The following VEPH1 variants were observed in gnomAD, a reference collection of about 807,000 sequenced individuals.
The protein encoded by VEPH1 is ventricular zone expressed PH domain containing 1.
In VEPH1, 80 loss-of-function variants were observed where a neutral mutation model predicts 85.2. That is an observed-to-expected ratio of 0.94 (90% CI 0.78 to 1.13). The LOEUF (loss-of-function observed/expected upper bound fraction) is 1.13, where lower values mean the gene tolerates loss of function less well. Ranked by LOEUF, VEPH1 falls within the 50% of genes most tolerant of loss-of-function variation. The pLI is 0.00. For missense variants in VEPH1, 955 were observed against 980.5 expected, an observed-to-expected ratio of 0.97 and a Z score of 0.35; for synonymous variants, 297 against 348.0, an observed-to-expected ratio of 0.85 and a Z score of 1.63.
chr3:157,330,764 T>G (rs912470120), intron 9 of VEPH1, among the ~76,000 whole-genome samples: 17 of 152,266 alleles, frequency 1.1e-4, no homozygotes, highest in African/African-American at 4.1e-4. Flanking sequence ...CTCCTTCCCA[T>G]GGCAGGTTTT....
intron 1 of VEPH1, among the ~76,000 whole-genome samples, chr3:157,498,578 G>A (rs1739861168): frequency 1.3e-5 from 2 of 151,994 alleles, no homozygotes; most frequent in African/African-American, 4.8e-5. Context: ...TGGTCTCCCA[G>A]GATAGTTGTA....
Position 157,360,082 on chromosome 3 carries a change from TA to T in VEPH1, c.1735+3281del, listed in dbSNP as rs1339625021. 2.0e-5 allele frequency among the ~76,000 whole-genome samples: 3 copies of T among 152,340 alleles called. No individual in the cohort carries two copies. The East Asian group carries it at 5.8e-4, about 29-fold the overall frequency. On this transcript the variant is annotated intron_variant, in intron 9 of 13. Transcript: ENST00000362010. ...ACATCAAACATAACACAATTAAGCCTAAATCTTTTTTAAATAAGATTTTAAG... is the reference window on the plus strand; with the variant it reads ...ACATCAAACATAACACAATTAAGCCTAATCTTTTTTAAATAAGATTTTAAG...
At chr3:157,427,213 T>C (rs529735219) in intron 5 of VEPH1, among the ~76,000 whole-genome samples, 5 of 152,200 alleles carry the variant, frequency 3.3e-5, no homozygotes, top group Admixed American at 1.3e-4. Context: ...GTTGAACTCC[T>C]GACCTCGTGA....
intron 9 of VEPH1, among the ~76,000 whole-genome samples, chr3:157,343,460 T>C (rs557400060): frequency 6.6e-6 from 1 of 152,212 alleles, no homozygotes; most frequent in South Asian, 2.1e-4. Context: ...ACATACACCC[T>C]CCCAAGACTA....
intron 12 of VEPH1, among the ~76,000 whole-genome samples, chr3:157,271,784 G>A (rs912876918): frequency 6.6e-6 from 1 of 152,084 alleles, no homozygotes; most frequent in Non-Finnish European, 1.5e-5. Context: ...AAACAGAAGC[G>A]ATCAGGCACT....
intron 6 of VEPH1, among the ~76,000 whole-genome samples, chr3:157,406,418 C>T (rs1358044263): frequency 6.6e-6 from 1 of 152,160 alleles, no homozygotes; most frequent in Non-Finnish European, 1.5e-5. Context: ...TGGCTCTCAG[C>T]TGCCTTTGTC....
chr3:157,421,311 G>C (rs1732318687), intron 5 of VEPH1, among the ~76,000 whole-genome samples: 4 of 152,082 alleles, frequency 2.6e-5, no homozygotes, highest in Admixed American at 2.0e-4. Flanking sequence ...CCAGGTCACA[G>C]AAGGTGGGTA....
At chr3:157,458,220 T>C (rs1259136775) in intron 4 of VEPH1, among the ~76,000 whole-genome samples, 1 of 152,120 alleles carries the variant, frequency 6.6e-6, no homozygotes, top group East Asian at 1.9e-4. Context: ...CACCTTGTTG[T>C]TTCTGGTTGT....
intron 9 of VEPH1, among the ~76,000 whole-genome samples, chr3:157,329,473 A>C (rs1722273100): frequency 6.6e-6 from 1 of 152,248 alleles, no homozygotes; most frequent in Admixed American, 6.5e-5. Flanking sequence ...CATGCTTTAC[A>C]TGATAGAGGT....
rs1197141390 is a variant in VEPH1 at position 157,488,507 on chromosome 3, C to CTTTT, written c.138+6701_138+6704dup. 2.7e-3 allele frequency among the ~76,000 whole-genome samples: 355 copies of CTTTT among 131,790 alleles called. 2 individuals are homozygous for CTTTT. Among genetic ancestry groups the CTTTT allele is most frequent in the African/African-American group, 8.6e-3 (296 of 34,454 alleles). The allele number at this position is 131,790 out of a possible 152,430, so 86.5% of individuals were successfully genotyped here. A position where few individuals can be genotyped will look rare whatever the true frequency, so the allele number is the denominator to read the frequency against. On this transcript the variant is annotated intron_variant, in intron 2 of 13. Coordinates refer to ENST00000362010, the MANE Select transcript of VEPH1 (RefSeq NM_001167912.2). ...ATTTTCTGACTTTCTTTCTTTCTTT[C>CTTTT]TTTTTTTTTTTTTTTACTGGATATT...
At chr3:157,351,131 CAAAT>C (rs1247895954) in intron 9 of VEPH1, among the ~76,000 whole-genome samples, 2 of 152,056 alleles carry the variant, frequency 1.3e-5, no homozygotes, top group Non-Finnish European at 2.9e-5. Flanking sequence ...TCCCCCAAAA[CAAAT>C]GAATGGATAA....
chr3:157,399,500 C>T (rs1730660157), intron 6 of VEPH1, among the ~76,000 whole-genome samples: 1 of 151,902 alleles, frequency 6.6e-6, no homozygotes, highest in South Asian at 2.1e-4. Flanking sequence ...CAGTCTTTTC[C>T]TGTTTCTGAA....
intron 2 of VEPH1, among the ~76,000 whole-genome samples, chr3:157,494,815 C>G (rs999383068): frequency 6.6e-6 from 1 of 152,144 alleles, no homozygotes; most frequent in Non-Finnish European, 1.5e-5. Flanking sequence ...CATTATTCAG[C>G]CTCCCACACA....
At chr3:157,346,493 A>C (rs1299279724) in intron 9 of VEPH1, among the ~76,000 whole-genome samples, 1 of 152,208 alleles carries the variant, frequency 6.6e-6, no homozygotes, top group African/African-American at 2.4e-5. Context: ...CCCACTAAGG[A>C]ATTTTAATTT....
chr3:157,351,485 C>T (rs983501788), intron 9 of VEPH1, among the ~76,000 whole-genome samples: 6 of 152,262 alleles, frequency 3.9e-5, no homozygotes, highest in Admixed American at 6.5e-5. Flanking sequence ...TGAGCCACCG[C>T]ACTTGGCCCA....
At chr3:157,356,447 T>A (rs1725439882) in intron 9 of VEPH1, among the ~76,000 whole-genome samples, 1 of 152,170 alleles carries the variant, frequency 6.6e-6, no homozygotes, top group Admixed American at 6.5e-5. Context: ...AATTATCAAA[T>A]ACCTGGACTC....
At chr3:157,313,323 C>T (rs1199700863) in intron 11 of VEPH1, among the ~76,000 whole-genome samples, 1 of 151,986 alleles carries the variant, frequency 6.6e-6, no homozygotes, top group African/African-American at 2.4e-5. Flanking sequence ...TAAAAGTCAC[C>T]ACACCCAGCT....
intron 6 of VEPH1, among the ~76,000 whole-genome samples, chr3:157,400,771 G>A (rs536628856): frequency 1.1e-3 from 161 of 152,180 alleles, no homozygotes; most frequent in Non-Finnish European, 1.6e-3. Flanking sequence ...GCTTATGGAA[G>A]TCTATCTAAT....
chr3:157,303,063 C>T (rs1298272572), intron 11 of VEPH1, among the ~76,000 whole-genome samples: 1 of 152,108 alleles, frequency 6.6e-6, no homozygotes, highest in Non-Finnish European at 1.5e-5. Context: ...ATTGAAGGTA[C>T]TTGCTCAAAA....
Sources: gnomAD v4.1 joint callset for allele counts (sites outside exome capture counted in the v4.1 genomes callset) on GRCh38, gnomAD v4.1.1 for gene constraint, MANE v1.5 for transcripts, NCBI Gene and HGNC (gene_info 2026-07-23, HGNC 2026-07-21) for gene names.